Variants in PCDHGA7 observed in about 807,000 individuals in gnomAD.
The protein encoded by PCDHGA7 is protocadherin gamma subfamily A, 7.
PCDHGA7 carries 44 observed loss-of-function variants against 58.3 expected under a neutral mutation model. The observed-to-expected ratio is 0.75, with a 90% confidence interval of 0.59 to 0.97. PCDHGA7 has a LOEUF of 0.97. Ranked by LOEUF, PCDHGA7 falls within the 50% of genes least tolerant of loss-of-function variation. The pLI is 0.00. For synonymous variants in PCDHGA7, 516 were observed against 504.2 expected, an observed-to-expected ratio of 1.02 and a Z score of -0.31; for missense variants, 1,266 against 1,188.7, an observed-to-expected ratio of 1.06 and a Z score of -0.96.
chr5:141,433,547 C>G (rs2097621028), intron 1 of PCDHGA7, among the ~76,000 whole-genome samples: 1 of 152,086 alleles, frequency 6.6e-6, no homozygotes, highest in South Asian at 2.1e-4. Context: ...ATCAGATATT[C>G]TTTTCTGGCT....
At chr5:141,404,436 C>A in intron 1 of PCDHGA7, 1 of 1,612,704 alleles carries the variant, frequency 6.2e-7, no homozygotes, top group Non-Finnish European at 8.5e-7. Flanking sequence ...GCAGAGGATA[C>A]CATCCAAGGG....
chr5:141,394,487 C>T (rs371014360), intron 1 of PCDHGA7: 11 of 1,614,248 alleles, frequency 6.8e-6, no homozygotes, highest in African/African-American at 5.3e-5. Context: ...AGAATGACAA[C>T]GCGCCCGAGA....
chr5:141,408,609 AG>A, intron 1 of PCDHGA7: 3 of 1,614,088 alleles, frequency 1.9e-6, no homozygotes, highest in Non-Finnish European at 1.7e-6. Context: ...TTTGATAAAA[AG>A]GAAATACATT....
intron 3 of PCDHGA7, 120 bp downstream of exon 3, chr5:141,505,601 C>T (rs1171679451): frequency 6.4e-7 from 1 of 1,550,630 alleles, no homozygotes; most frequent in Non-Finnish European, 8.7e-7. Flanking sequence ...GATCTTTCGG[C>T]AGGTCTGAAA....
Position 141,394,244 on chromosome 5 carries a change from C to G in PCDHGA7, c.2424+8921C>G, listed in dbSNP as rs371631729. Reference sequence around the variant, plus strand: ...CCTCCATCTTTTCCTTGACTGCACACGACCCCGACAGCCAGGAGAATGCCC... The same window carrying G: ...CCTCCATCTTTTCCTTGACTGCACAGGACCCCGACAGCCAGGAGAATGCCC... On this transcript the variant is annotated intron_variant, in intron 1 of 3. Coordinates refer to ENST00000518325, the MANE Select transcript of PCDHGA7 (RefSeq NM_018920.4). The G allele has an allele frequency of 1.2e-5, 19 of 1,613,820 alleles. No homozygotes were observed. Among genetic ancestry groups the G allele is most frequent in the Middle Eastern group, 1.6e-4 (1 of 6,084 alleles).
At chr5:141,465,186 G>T (rs2099098546) in intron 1 of PCDHGA7, among the ~76,000 whole-genome samples, 1 of 151,852 alleles carries the variant, frequency 6.6e-6, no homozygotes, top group African/African-American at 2.4e-5. Flanking sequence ...TTAATTAAAA[G>T]ATAAAAATAA....
chr5:141,474,518 G>T (rs1054372142), intron 1 of PCDHGA7, among the ~76,000 whole-genome samples: 1 of 152,168 alleles, frequency 6.6e-6, no homozygotes, highest in African/African-American at 2.4e-5. Context: ...CCTCTTGCTG[G>T]TCTGGCTAAT....
chr5:141,408,158 T>G lies in PCDHGA7; in HGVS notation c.2424+22835T>G, dbSNP rs1190245850. On this transcript the variant is annotated intron_variant, in intron 1 of 3. Coordinates refer to ENST00000518325, the MANE Select transcript of PCDHGA7 (RefSeq NM_018920.4). ...TCTTTTAGCGCGGTAGAGTGCACTTTCTCCAACTGGAAAAGCGGGGACCCA... is the reference window on the plus strand; with the variant it reads ...TCTTTTAGCGCGGTAGAGTGCACTTGCTCCAACTGGAAAAGCGGGGACCCA... The G allele has an allele frequency of 2.0e-6, 3 of 1,515,140 alleles. No individual in the cohort carries two copies. In the Admixed American group the frequency reaches 6.4e-5, roughly 32 times the overall value. The allele number at this position is 1,515,140 out of a possible 1,614,324, so 93.9% of individuals were successfully genotyped here.
At position 141,476,675 on chromosome 5, in the gene PCDHGA7, C is replaced by T. The variant is rs2099395961; in HGVS notation, c.2425-18132C>T. On this transcript the variant is annotated intron_variant, in intron 1 of 3. Transcript: ENST00000518325. The surrounding 1 kb of genome is among the most constrained non-coding windows in gnomAD (Gnocchi z 7.6). ...ATACTTTGCGCTTCGCGTGCAGACG[C>T]GGGAGGACAGCACCAAGTACGCGGA... 1.2e-6 allele frequency: 2 copies of T among 1,614,124 alleles called. No homozygotes were observed. The highest frequency in any genetic ancestry group is 8.5e-7 in the Non-Finnish European group (1 of 1,180,062).
At chr5:141,484,958 G>T in intron 1 of PCDHGA7, 1 of 575,874 alleles carries the variant, frequency 1.7e-6, no homozygotes. Flanking sequence ...TATTGGCTGA[G>T]CCCGGGAGCC....
At position 141,383,681 on chromosome 5, in the gene PCDHGA7, T is replaced by G. The variant is rs1299329378; in HGVS notation, c.782T>G (p.Leu261Arg). 1.2e-6 allele frequency: 2 copies of G among 1,613,902 alleles called. No individual in the cohort carries two copies. Among genetic ancestry groups the G allele is most frequent in the Non-Finnish European group, 1.7e-6 (2 of 1,179,890 alleles). The change falls in exon 1 of 4, where the codon CTG becomes CGG. Residue 261 changes from leucine (L) to arginine (R), a missense_variant. Coordinates refer to ENST00000518325, the MANE Select transcript of PCDHGA7 (RefSeq NM_018920.4). Reference protein sequence around the residue: ...VPENVPVGTRLLTVHAIDLDE... With the variant: ...VPENVPVGTRRLTVHAIDLDE... ...GAGAATGTGCCAGTGGGTACAAGACTGCTCACGGTACATGCTATCGACCTG... is the reference window on the plus strand; with the variant it reads ...GAGAATGTGCCAGTGGGTACAAGACGGCTCACGGTACATGCTATCGACCTG...
intron 1 of PCDHGA7, chr5:141,402,902 G>GA: frequency 6.6e-7 from 1 of 1,522,022 alleles, no homozygotes; most frequent in Non-Finnish European, 8.8e-7. Flanking sequence ...AGAACCTGAT[G>GA]AAGCAGCGCG....
chr5:141,490,249 C>T lies in PCDHGA7; in HGVS notation c.2425-4558C>T, dbSNP rs2099697737. On this transcript the variant is annotated intron_variant, in intron 1 of 3. Coordinates refer to ENST00000518325, the MANE Select transcript of PCDHGA7 (RefSeq NM_018920.4). The surrounding 1 kb of genome is among the most constrained non-coding windows in gnomAD (Gnocchi z 5.4). ...TGCCATGGAGGGCCACTGTGTGATT[C>T]AAGTGGATGTGGGGGATGTCAATGA... The T allele has an allele frequency of 1.2e-6, 2 of 1,614,218 alleles. No individual in the cohort carries two copies. The highest frequency in any genetic ancestry group is 1.7e-6 in the Non-Finnish European group (2 of 1,180,044).
chr5:141,404,800 C>G (rs369141362), intron 1 of PCDHGA7: 3 of 1,613,970 alleles, frequency 1.9e-6, no homozygotes, highest in Middle Eastern at 1.6e-4. Context: ...AGCCAGGGCT[C>G]TTCTCGGTGG....
chr5:141,384,999 C>A lies in PCDHGA7; in HGVS notation c.2100C>A (p.Val700=). 1 of 1,614,144 alleles carries A rather than the reference C, an allele frequency of 6.2e-7. No homozygotes were observed. Among genetic ancestry groups the A allele is most frequent in the Non-Finnish European group, 8.5e-7 (1 of 1,180,032 alleles). Residue 700 remains valine, a synonymous_variant, in exon 1 of 4, where the codon GTC becomes GTA. Coordinates refer to ENST00000518325, the MANE Select transcript of PCDHGA7 (RefSeq NM_018920.4). The part of the protein sequence containing the change: ...TLYLVVAVAT[V]SCVFLAFVLV... The stretch of plus-strand genomic sequence containing the variant: ...ACCTGGTGGTGGCGGTGGCCACAGT[C>A]TCCTGCGTCTTCCTAGCCTTCGTCC...
rs781580216 is a variant in PCDHGA7 at position 141,430,931 on chromosome 5, G to A, written c.2424+45608G>A. The stretch of plus-strand genomic sequence containing the variant: ...CAGGGACCTGGGGCTGGAGCCCCGG[G>A]AGCTCGCGGAGCGCGGAGTCCGCAT... On this transcript the variant is annotated intron_variant, in intron 1 of 3. Coordinates refer to ENST00000518325, the MANE Select transcript of PCDHGA7 (RefSeq NM_018920.4). The A allele has an allele frequency of 1.5e-5, 24 of 1,607,530 alleles. No individual in the cohort carries two copies. In the East Asian group the frequency reaches 4.9e-4, roughly 33 times the overall value.
rs187774047 is a variant in PCDHGA7 at position 141,384,495 on chromosome 5, G to A, written c.1596G>A (p.Val532=). The A allele has an allele frequency of 5.0e-6, 8 of 1,614,162 alleles. No individual in the cohort carries two copies. The highest frequency in any genetic ancestry group is 6.8e-6 in the Non-Finnish European group (8 of 1,180,010). Residue 532 remains valine (V), a synonymous_variant, in exon 1 of 4, where the codon GTG becomes GTA. Transcript: ENST00000518325. ...AGTTGAGAGAACTACAACTAAGAGT[G>A]ACTGCACATGACAGCGGGGACCCGC... ...YEQLRELQLR[V]TAHDSGDPPL...
chr5:141,428,731 A>G (rs1290064919), intron 1 of PCDHGA7: 1 of 159,494 alleles, frequency 6.3e-6, no homozygotes, highest in Non-Finnish European at 1.4e-5. Context: ...TCTTAAACAT[A>G]TTATATCTAC....
chr5:141,424,383 T>C (rs2096817494), intron 1 of PCDHGA7: 2 of 152,238 alleles, frequency 1.3e-5, no homozygotes, highest in Non-Finnish European at 2.9e-5. Context: ...AAGCTCTAGA[T>C]GTCTTTTCCA....
Sources: gnomAD v4.1 joint callset for allele counts (sites outside exome capture counted in the v4.1 genomes callset) on GRCh38, gnomAD v4.1.1 for gene constraint, Gnocchi (gnomAD v3.1) non-coding constraint, MANE v1.5 for transcripts, NCBI Gene and HGNC (gene_info 2026-07-23, HGNC 2026-07-21) for gene names.